The following DNAJC11 variants were observed in gnomAD, a reference collection of about 807,000 sequenced individuals.
DNAJC11 encodes the protein dnaJ homolog subfamily C member 11.
DNAJC11 carries 15 observed loss-of-function variants against 78.6 expected under a neutral mutation model. The ratio of observed to expected loss-of-function variants is 0.19; its 90% CI spans 0.13 to 0.29. DNAJC11 has a LOEUF of 0.29. Ranked by LOEUF, DNAJC11 falls within the 10% of genes least tolerant of loss-of-function variation. DNAJC11 has a pLI of 1.00. For synonymous variants in DNAJC11, 292 were observed against 272.1 expected (o/e 1.07, Z -0.72); for missense variants, 547 against 709.6 (o/e 0.77, Z 2.60).
chr1:6,639,862 C>A, intron 11 of DNAJC11, 40 bp downstream of exon 11: 1 of 1,586,772 alleles, frequency 6.3e-7, no homozygotes. Context: ...AACTGAGGCA[C>A]AGGGCTGGCT....
At chr1:6,695,363 T>C (rs143922120) in intron 1 of DNAJC11, among the ~76,000 whole-genome samples, 146 of 151,972 alleles carry the variant, frequency 9.6e-4, no homozygotes, top group African/African-American at 3.3e-3. Context: ...TAACAATATA[T>C]ATTAACTAAA....
intron 1 of DNAJC11, among the ~76,000 whole-genome samples, chr1:6,688,200 T>C (rs1279077161): frequency 1.3e-5 from 2 of 152,222 alleles, no homozygotes; most frequent in African/African-American, 4.8e-5. Flanking sequence ...TCTTCAGTCC[T>C]GGACTGAGTC....
At chr1:6,679,586 G>A (rs1408119889) in intron 2 of DNAJC11, among the ~76,000 whole-genome samples, 5 of 152,180 alleles carry the variant, frequency 3.3e-5, no homozygotes, top group African/African-American at 1.2e-4. Flanking sequence ...ATGATACTAT[G>A]CATAATCAAA....
At chr1:6,649,826 GC>G (rs1297137545) in intron 7 of DNAJC11, among the ~76,000 whole-genome samples, 2 of 150,614 alleles carry the variant, frequency 1.3e-5, no homozygotes, top group Non-Finnish European at 2.9e-5. Flanking sequence ...TCCCACCTCA[GC>G]CTCCCAAGTA....
At chr1:6,667,519 G>A (rs1187565630) in intron 4 of DNAJC11, among the ~76,000 whole-genome samples, 190 bp downstream of exon 4, 1 of 152,144 alleles carries the variant, frequency 6.6e-6, no homozygotes, top group Non-Finnish European at 1.5e-5. Context: ...GAGCAGCAGT[G>A]TGGCTGATGG....
In DNAJC11 at chr1:6,634,229, C is replaced by T. The variant is rs1025383676; in HGVS notation, c.*1446G>A. Reference sequence around the variant, plus strand: ...TCTGTACAGTCGACTGCAAATGAAACGCAGAGGATGGGTGCCCAGAAGCAC... The same window carrying T: ...TCTGTACAGTCGACTGCAAATGAAATGCAGAGGATGGGTGCCCAGAAGCAC... On this transcript the variant is annotated 3_prime_UTR_variant, in exon 16 of 16. Coordinates refer to ENST00000377577, the MANE Select transcript of DNAJC11 (RefSeq NM_018198.4). The T allele has an allele frequency of 1.2e-5, 11 of 921,028 alleles. No individual in the cohort carries two copies. In the African/African-American group the frequency reaches 1.7e-4, roughly 14 times the overall value. 57.1% of individuals were successfully genotyped at this position (921,028 alleles called of 1,614,324 possible).
rs547813438 is a variant in DNAJC11, at chr1:6,655,808, C to G, written c.379-1769G>C. 1.8e-3 allele frequency among the ~76,000 whole-genome samples: 256 copies of G among 145,740 alleles called. 1 individual carries two copies. Among genetic ancestry groups the G allele is most frequent in the Non-Finnish European group, 2.9e-3 (190 of 66,122 alleles). On this transcript the variant is annotated intron_variant, in intron 4 of 15. Coordinates refer to ENST00000377577, the MANE Select transcript of DNAJC11 (RefSeq NM_018198.4). ...TGGGTGACAGAGCAAGACTCTGTCT[C>G]AAAAACAAGAACAGGCCGGGTGTGG...
chr1:6,695,945 T>C (rs965010268), intron 1 of DNAJC11, among the ~76,000 whole-genome samples: 2 of 152,210 alleles, frequency 1.3e-5, no homozygotes, highest in African/African-American at 2.4e-5. Flanking sequence ...CTCTATCCCA[T>C]TGTTAACTAA....
rs1265656339 is a variant in DNAJC11 at position 6,645,917 on chromosome 1, T to G, written c.766A>C (p.Thr256Pro). ...SSRGIRPGLT[T>P]VLARNLDKNT... The stretch of plus-strand genomic sequence containing the variant: ...TTGTCTAGGTTCCGAGCTAGGACAG[T>G]GGTCAGGCCGGGTCGGATTCCACGG... The change falls in exon 8 of 16, where the codon ACT becomes CCT. Residue 256 changes from threonine (T) to proline (P), a missense_variant. Coordinates refer to ENST00000377577, the MANE Select transcript of DNAJC11 (RefSeq NM_018198.4). This position sits in a 1 kb window ranked among gnomAD's most constrained non-coding sequence, Gnocchi z 4.1. The G allele has an allele frequency of 6.2e-7, 1 of 1,614,142 alleles. No homozygotes were observed.
At chr1:6,647,134 A>G (rs1641978655) in intron 7 of DNAJC11, among the ~76,000 whole-genome samples, 1 of 136,436 alleles carries the variant, frequency 7.3e-6, no homozygotes. Context: ...GCTGGAGTGC[A>G]GTAGCGTGAT....
At chr1:6,648,431 C>T (rs1642000796) in intron 7 of DNAJC11, among the ~76,000 whole-genome samples, 1 of 152,208 alleles carries the variant, frequency 6.6e-6, no homozygotes, top group South Asian at 2.1e-4. Context: ...GTTGGGATTA[C>T]AGGCATGAGC....
chr1:6,641,525 T>C (rs1234519984), intron 10 of DNAJC11, among the ~76,000 whole-genome samples: 2 of 151,220 alleles, frequency 1.3e-5, no homozygotes, highest in African/African-American at 4.9e-5. Context: ...TAAGGTAGAC[T>C]TCAAGACAAA....
intron 4 of DNAJC11, among the ~76,000 whole-genome samples, chr1:6,654,510 C>T (rs1428349438): frequency 1.3e-5 from 2 of 152,090 alleles, no homozygotes; most frequent in Admixed American, 1.3e-4. Flanking sequence ...AAATTATGAA[C>T]AAATGGGAGA....
At position 6,669,702 on chromosome 1, in the gene DNAJC11, C is replaced by T. The variant is rs116714056; in HGVS notation, c.277-1892G>A. 5.1e-3 allele frequency among the ~76,000 whole-genome samples: 774 copies of T among 151,802 alleles called. 8 individuals carry two copies. The highest frequency in any genetic ancestry group is 0.017 in the African/African-American group (722 of 41,352). Reference sequence around the variant, plus strand: ...ACCGCACTGCACGATTTCTAAGGGTCCTGTTTATGGTGTGAAATTGTGTGC... The same window carrying T: ...ACCGCACTGCACGATTTCTAAGGGTTCTGTTTATGGTGTGAAATTGTGTGC... On this transcript the variant is annotated intron_variant, in intron 3 of 15. Coordinates refer to ENST00000377577, the MANE Select transcript of DNAJC11 (RefSeq NM_018198.4).
intron 10 of DNAJC11, among the ~76,000 whole-genome samples, chr1:6,643,316 C>G (rs1194515469): frequency 6.7e-6 from 1 of 149,224 alleles, no homozygotes; most frequent in East Asian, 1.9e-4. Flanking sequence ...CGCTCTGATG[C>G]CCAGGCTGGA....
At chr1:6,678,320 T>G (rs1642504020) in intron 3 of DNAJC11, 74 bp downstream of exon 3, 1 of 1,316,374 alleles carries the variant, frequency 7.6e-7, no homozygotes, top group Non-Finnish European at 1.1e-6. Context: ...TATTACAGAT[T>G]GCAGGGTTTT....
chr1:6,668,961 G>A (rs1439109959), intron 3 of DNAJC11, among the ~76,000 whole-genome samples: 1 of 150,618 alleles, frequency 6.6e-6, no homozygotes, highest in African/African-American at 2.4e-5. Flanking sequence ...CAGAGGTGAG[G>A]GGATCACCTC....
Position 6,645,016 on chromosome 1 carries a change from C to A in DNAJC11, c.980+25G>T. The A allele has an allele frequency of 6.2e-7, 1 of 1,608,480 alleles. No individual in the cohort carries two copies. The highest frequency in any genetic ancestry group is 1.1e-5 in the South Asian group (1 of 90,824). ...ACCCGCATGCAGTACCAGTGTGCTT[C>A]CATTTTAGCCAGGCCAGGACTTACT... On this transcript the variant is annotated intron_variant, in intron 9 of 15. Coordinates refer to ENST00000377577, the MANE Select transcript of DNAJC11 (RefSeq NM_018198.4). The surrounding 1 kb of genome is among the most constrained non-coding windows in gnomAD (Gnocchi z 4.1).
intron 1 of DNAJC11, among the ~76,000 whole-genome samples, chr1:6,694,206 T>C (rs1443438762): frequency 1.3e-5 from 2 of 152,060 alleles, no homozygotes; most frequent in African/African-American, 4.8e-5. Flanking sequence ...GCTTCCTACT[T>C]AGCCCTTTAG....
Sources: allele counts gnomAD v4.1 joint callset (sites outside exome capture counted in the v4.1 genomes callset), GRCh38; gene constraint gnomAD v4.1.1; non-coding constraint Gnocchi (gnomAD v3.1); transcripts MANE v1.5; gene names NCBI Gene and HGNC (gene_info 2026-07-23, HGNC 2026-07-21).